Variants in IRX1 observed in about 807,000 individuals in gnomAD.
IRX1 encodes the protein iroquois homeobox 1, also known as iroquois-class homeodomain protein IRX-1.
IRX1 carries 22 observed loss-of-function variants against 34.1 expected under a neutral mutation model. That is an observed-to-expected ratio of 0.64 (90% CI 0.46 to 0.92). IRX1 has a LOEUF of 0.92. Among genes scored for constraint, IRX1 ranks in the 40% least tolerant of loss-of-function variants. The pLI, the probability that IRX1 is intolerant of heterozygous loss-of-function variation, is 0.00. For missense variants in IRX1, 758 were observed against 680.0 expected (o/e 1.11, Z -1.28); for synonymous variants, 363 against 319.0 (o/e 1.14, Z -1.47).
At chr5:3,596,762 T>G (rs747043232) in intron 1 of IRX1, among the ~76,000 whole-genome samples, 34 of 152,072 alleles carry the variant, frequency 2.2e-4, no homozygotes, top group Non-Finnish European at 3.7e-4. Context: ...CGGCCCGGCG[T>G]AGCGTAGCAG....
At position 3,600,701 on chromosome 5, in the gene IRX1, G is replaced by A. The variant is rs1296144244; in HGVS notation, c.1385+20G>A. The stretch of plus-strand genomic sequence containing the variant: ...CGACAAGTGAGTGCTGTTTGCTTTT[G>A]CTATGGGAGAAGGCGGTGGGGAGGG... On this transcript the variant is annotated intron_variant, in intron 3 of 3. Coordinates refer to ENST00000302006, the MANE Select transcript of IRX1 (RefSeq NM_024337.4). The A allele has an allele frequency of 1.2e-6, 2 of 1,610,668 alleles. No homozygotes were observed. The highest frequency in any genetic ancestry group is 2.7e-5 in the African/African-American group (2 of 74,940).
chr5:3,596,262 G>C lies in IRX1; in HGVS notation c.157G>C (p.Gly53Arg). 8.2e-7 allele frequency: 1 copy of C among 1,226,648 alleles called. No individual in the cohort carries two copies. The highest frequency in any genetic ancestry group is 1.0e-6 in the Non-Finnish European group (1 of 983,216). 76.0% of individuals were successfully genotyped at this position (1,226,648 alleles called of 1,614,324 possible). ...PGAAELGGGA[G>R]AAAVTSVLGM... ...GGCCGCGGAGCTGGGCGGCGGGGCAGGCGCGGCTGCAGTCACCTCGGTGCT... is the reference window on the plus strand; with the variant it reads ...GGCCGCGGAGCTGGGCGGCGGGGCACGCGCGGCTGCAGTCACCTCGGTGCT... Residue 53 changes from glycine to arginine, a missense_variant, in exon 1 of 4, where the codon GGC becomes CGC. Gly to Arg is a moderately radical substitution (Grantham distance 125). Around this residue, in one of 3 missense-constraint regions of IRX1, gnomAD observed 195 missense variants for 195.0 expected, o/e 1.00. Coordinates refer to ENST00000302006, the MANE Select transcript of IRX1 (RefSeq NM_024337.4).
At position 3,600,674 on chromosome 5, in the gene IRX1, C is replaced by T. The variant is rs765215960; in HGVS notation, c.1378C>T (p.Arg460Cys). Reference protein sequence around the residue: ...QQLKSPFQPVRDNSLAPQEGT... With the variant: ...QQLKSPFQPVCDNSLAPQEGT... ...GTTAAAGTCGCCCTTCCAGCCGGTA[C>T]GCGACAAGTGAGTGCTGTTTGCTTT... The change falls in exon 3 of 4, where the codon CGC (arginine) becomes TGC (cysteine). Residue 460 changes from arginine (R) to cysteine (C), a missense_variant. Physicochemically the swap from Arg to Cys is radical, Grantham distance 180. Coordinates refer to ENST00000302006, the MANE Select transcript of IRX1 (RefSeq NM_024337.4). 1.9e-6 allele frequency: 3 copies of T among 1,613,276 alleles called. No individual in the cohort carries two copies. The highest frequency in any genetic ancestry group is 2.7e-5 in the African/African-American group (2 of 74,844).
At position 3,599,709 on chromosome 5, in the gene IRX1, C is replaced by G. The variant is rs780118042; in HGVS notation, c.761C>G (p.Ala254Gly). The G allele has an allele frequency of 1.9e-6, 3 of 1,612,808 alleles. No individual in the cohort carries two copies. Among genetic ancestry groups the G allele is most frequent in the Non-Finnish European group, 2.5e-6 (3 of 1,179,966 alleles). Residue 254 changes from alanine to glycine, a missense_variant, in exon 2 of 4, where the codon GCG becomes GGG. Ala to Gly is a moderately conservative substitution (Grantham distance 60, BLOSUM62 0). This residue lies in a region of IRX1 where 529 missense variants were observed against 418.8 expected (regional missense o/e 1.26). Transcript: ENST00000302006. This position sits in a 1 kb window ranked among gnomAD's most constrained non-coding sequence, Gnocchi z 6.6. ...DDEDKAEAPH[A>G]PAAPSALARD... ...GAGGACAAGGCCGAGGCTCCGCACG[C>G]GCCCGCAGCCCCTTCTGCTCTTGCC...
At chr5:3,597,181 C>T (rs1429525797) in intron 1 of IRX1, among the ~76,000 whole-genome samples, 2 of 152,226 alleles carry the variant, frequency 1.3e-5, no homozygotes, top group Non-Finnish European at 2.9e-5. Flanking sequence ...TCCTCTTAGT[C>T]TCCCGTCCCA....
At chr5:3,600,324 G>C (rs1176105486) in intron 2 of IRX1, 64 bp downstream of exon 2, 2 of 1,410,190 alleles carry the variant, frequency 1.4e-6, no homozygotes, top group African/African-American at 2.9e-5. Flanking sequence ...GCTAGGTGTG[G>C]TAGCGTGGGG....
At position 3,599,091 on chromosome 5, in the gene IRX1, G is replaced by A; in HGVS notation, c.277-134G>A. ...CACAGGAGAGCCCCGCAAAGCGCCT[G>A]GGAGGCCCTCGAGTCCATTGAAGCG... is the stretch of plus-strand genomic sequence containing the variant. On this transcript the variant is annotated intron_variant, in intron 1 of 3. Transcript: ENST00000302006. This position sits in a 1 kb window ranked among gnomAD's most constrained non-coding sequence, Gnocchi z 6.6. 2 of 891,978 alleles carry A rather than the reference G, an allele frequency of 2.2e-6. No individual in the cohort carries two copies. The highest frequency in any genetic ancestry group is 2.7e-5 in the East Asian group (1 of 37,634). The allele number at this position is 891,978 out of a possible 1,614,324, so 55.3% of individuals were successfully genotyped here.
rs1733908895 is a variant in IRX1 at position 3,599,789 on chromosome 5, C to T, written c.841C>T (p.Pro281Ser). 2 of 1,601,952 alleles carry T rather than the reference C, an allele frequency of 1.2e-6. No homozygotes were observed. Among genetic ancestry groups the T allele is most frequent in the Non-Finnish European group, 1.7e-6 (2 of 1,175,354 alleles). ...CGACGTTCTCAAGCCCCAGGACTCG[C>T]CCTTGGGCCTGGCAAAGGAGGCCCC... Reference protein sequence around the residue: ...AADVLKPQDSPLGLAKEAPEP... With the variant: ...AADVLKPQDSSLGLAKEAPEP... Residue 281 changes from proline to serine, a missense_variant, in exon 2 of 4, where the codon CCC (proline) becomes TCC (serine). Pro to Ser is a moderately conservative substitution (Grantham distance 74, BLOSUM62 -1). Coordinates refer to ENST00000302006, the MANE Select transcript of IRX1 (RefSeq NM_024337.4). The surrounding 1 kb of genome is among the most constrained non-coding windows in gnomAD (Gnocchi z 6.6).
At chr5:3,600,823 G>A in intron 3 of IRX1, 142 bp downstream of exon 3, 3 of 1,129,532 alleles carry the variant, frequency 2.7e-6, no homozygotes, top group Non-Finnish European at 3.9e-6. Flanking sequence ...AGCCCTGGGC[G>A]CCGGGCGAGC....
In IRX1 at chr5:3,599,044, G is replaced by T. The variant is rs1451255456; in HGVS notation, c.277-181G>T. Reference sequence around the variant, plus strand: ...CCCTTCTCCCCAGCAGTGAACTGGGGGTGACTTCCTGATCTGCCCAGCACA... The same window carrying T: ...CCCTTCTCCCCAGCAGTGAACTGGGTGTGACTTCCTGATCTGCCCAGCACA... On this transcript the variant is annotated intron_variant, in intron 1 of 3. Coordinates refer to ENST00000302006, the MANE Select transcript of IRX1 (RefSeq NM_024337.4). This position sits in a 1 kb window ranked among gnomAD's most constrained non-coding sequence, Gnocchi z 6.6. Among the ~76,000 whole-genome samples, 1 of 152,116 alleles carries T rather than the reference G, an allele frequency of 6.6e-6. No homozygotes were observed. Among genetic ancestry groups the T allele is most frequent in the Non-Finnish European group, 1.5e-5 (1 of 68,030 alleles).
At chr5:3,600,324 G>A in intron 2 of IRX1, 64 bp downstream of exon 2, 1 of 1,410,308 alleles carries the variant, frequency 7.1e-7, no homozygotes, top group Non-Finnish European at 9.4e-7. Flanking sequence ...GCTAGGTGTG[G>A]TAGCGTGGGG....
In IRX1 at chr5:3,601,141, G is replaced by T. The variant is rs111827405; in HGVS notation, c.*101G>T. The T allele has an allele frequency of 3.7e-6, 4 of 1,067,544 alleles. No individual in the cohort carries two copies. The African/African-American group carries it at 6.2e-5, about 17-fold the overall frequency. The allele number at this position is 1,067,544 out of a possible 1,614,324, so 66.1% of individuals were successfully genotyped here. ...ACAAATATTTCAGACTGGTGTAAAGGACAAATATGACAACGACGTCAAGGA... is the reference window on the plus strand; with the variant it reads ...ACAAATATTTCAGACTGGTGTAAAGTACAAATATGACAACGACGTCAAGGA... On this transcript the variant is annotated 3_prime_UTR_variant, in exon 4 of 4. Transcript: ENST00000302006.
intron 3 of IRX1, 111 bp from the exon 4 acceptor site, chr5:3,600,872 T>A: frequency 7.9e-7 from 1 of 1,270,328 alleles, no homozygotes; most frequent in Non-Finnish European, 1.1e-6. Flanking sequence ...GGAGCCGCGC[T>A]GGCTGTCGAC....
At position 3,596,018 on chromosome 5, in the gene IRX1, GC is replaced by G; in HGVS notation, c.-83del. ...CGCTCCTCCCTAGACCCCTCGCGGC[GC>G]CCCCTGCAACCCCCTCCGGCCGGCC... On this transcript the variant is annotated 5_prime_UTR_variant, in exon 1 of 4. Coordinates refer to ENST00000302006, the MANE Select transcript of IRX1 (RefSeq NM_024337.4). The G allele has an allele frequency of 1.1e-6, 1 of 872,646 alleles. No individual in the cohort carries two copies. Among genetic ancestry groups the G allele is most frequent in the Middle Eastern group, 5.7e-4 (1 of 1,744 alleles). 54.1% of individuals were successfully genotyped at this position (872,646 alleles called of 1,614,324 possible). A position where few individuals can be genotyped will look rare whatever the true frequency, so the allele number is the denominator to read the frequency against.
chr5:3,600,680 A>G lies in IRX1; in HGVS notation c.1384A>G (p.Asn462Asp), dbSNP rs1733940725. Residue 462 changes from asparagine (N) to aspartate (D), a missense_variant and splice_region_variant, in exon 3 of 4, where the codon AAC becomes GAC. Asn to Asp is a conservative substitution (Grantham distance 23). Around this residue, in one of 3 missense-constraint regions of IRX1, gnomAD observed 529 missense variants for 418.8 expected, o/e 1.26. Transcript: ENST00000302006. ...LKSPFQPVRDNSLAPQEGTPR... is the reference protein window; with the variant it reads ...LKSPFQPVRDDSLAPQEGTPR... Reference sequence around the variant, plus strand: ...GTCGCCCTTCCAGCCGGTACGCGACAAGTGAGTGCTGTTTGCTTTTGCTAT... The same window carrying G: ...GTCGCCCTTCCAGCCGGTACGCGACGAGTGAGTGCTGTTTGCTTTTGCTAT... 6.2e-7 allele frequency: 1 copy of G among 1,613,406 alleles called. No homozygotes were observed. Among genetic ancestry groups the G allele is most frequent in the Non-Finnish European group, 8.5e-7 (1 of 1,179,592 alleles).
chr5:3,598,296 G>C (rs993741159), intron 1 of IRX1, among the ~76,000 whole-genome samples: 7 of 152,196 alleles, frequency 4.6e-5, no homozygotes, highest in African/African-American at 1.7e-4. Context: ...TTGACTTGCT[G>C]TGTTTTACTA....
At chr5:3,596,555 G>T (rs555671439) in intron 1 of IRX1, among the ~76,000 whole-genome samples, 174 bp downstream of exon 1, 14 of 152,266 alleles carry the variant, frequency 9.2e-5, no homozygotes, top group African/African-American at 2.9e-4. Flanking sequence ...ACGCAAGAGG[G>T]CTGGGAGGCC....
intron 1 of IRX1, among the ~76,000 whole-genome samples, chr5:3,597,545 T>C (rs1733818787): frequency 6.6e-6 from 1 of 152,154 alleles, no homozygotes; most frequent in African/African-American, 2.4e-5. Flanking sequence ...GGTCTCTTAC[T>C]ATCGAAAAAG....
chr5:3,597,998 G>A (rs1733833005), intron 1 of IRX1, among the ~76,000 whole-genome samples: 1 of 152,118 alleles, frequency 6.6e-6, no homozygotes, highest in South Asian at 2.1e-4. Flanking sequence ...GAAGGGAGAT[G>A]TTTGCTGTTC....
Sources: allele counts gnomAD v4.1 joint callset (sites outside exome capture counted in the v4.1 genomes callset), GRCh38; gene constraint gnomAD v4.1.1; regional missense constraint gnomAD v4.1.1; non-coding constraint Gnocchi (gnomAD v3.1); transcripts MANE v1.5; gene names NCBI Gene and HGNC (gene_info 2026-07-23, HGNC 2026-07-21).